The following CDH13 variants were observed in gnomAD, a reference collection of about 807,000 sequenced individuals.
CDH13 encodes the protein cadherin 13.
CDH13 carries 24 observed loss-of-function variants against 63.8 expected under a neutral mutation model. That is an observed-to-expected ratio of 0.38 (90% confidence interval 0.27 to 0.53). The LOEUF (loss-of-function observed/expected upper bound fraction) is 0.53. CDH13 is among the 20% of genes least tolerant of loss of function. The pLI, the probability that CDH13 is intolerant of heterozygous loss-of-function variation, is 0.85. For synonymous variants in CDH13, 503 were observed against 355.3 expected, an observed-to-expected ratio of 1.42 and a Z score of -4.67; for missense variants, 1,049 against 903.1, an observed-to-expected ratio of 1.16 and a Z score of -2.07.
chr16:82,852,718 G>T lies in CDH13; in HGVS notation c.46-5644G>T, dbSNP rs531981238. On this transcript the variant is annotated intron_variant, in intron 1 of 13. Transcript: ENST00000567109. The stretch of plus-strand genomic sequence containing the variant: ...TAGATGTCCAAGCAAGTGTTTAACT[G>T]AATTGAGTGAGCAGAAACAAGAACC... Among the ~76,000 whole-genome samples the T allele has an allele frequency of 1.1e-4, 17 of 152,300 alleles. No homozygotes were observed. The South Asian group carries it at 2.5e-3, about 22-fold the overall frequency.
chr16:83,631,415 C>A (rs939171779), intron 8 of CDH13, among the ~76,000 whole-genome samples: 1 of 152,142 alleles, frequency 6.6e-6, no homozygotes, highest in Non-Finnish European at 1.5e-5. Context: ...ATGTTAACTT[C>A]ATTTGCTTGA....
intron 2 of CDH13, among the ~76,000 whole-genome samples, chr16:82,912,243 T>C (rs1338085076): frequency 5.5e-5 from 1 of 18,266 alleles, no homozygotes; most frequent in African/African-American, 1.6e-4. Context: ...TTTTCTTAAC[T>C]ATTTAGTGAA....
intron 3 of CDH13, among the ~76,000 whole-genome samples, chr16:83,053,517 A>G (rs185955637): frequency 7.9e-5 from 12 of 152,320 alleles, no homozygotes; most frequent in Non-Finnish European, 1.3e-4. Flanking sequence ...TAAATTGATA[A>G]ACACACCAAT....
chr16:83,321,909 G>T (rs143076537), intron 5 of CDH13, among the ~76,000 whole-genome samples: 60 of 152,276 alleles, frequency 3.9e-4, no homozygotes, highest in African/African-American at 1.3e-3. Context: ...AATTCTGTGT[G>T]ACTATCTTGG....
intron 8 of CDH13, among the ~76,000 whole-genome samples, chr16:83,605,129 C>T (rs9934700): frequency 0.49 from 74,315 of 152,000 alleles, 20,940 homozygotes; most frequent in African/African-American, 0.79. Flanking sequence ...CTGTAAATAC[C>T]AGCAAAAGCA....
chr16:83,000,252 T>A (rs1329338920), intron 2 of CDH13, among the ~76,000 whole-genome samples: 1 of 108,758 alleles, frequency 9.2e-6, no homozygotes. Flanking sequence ...TTTTTTTTTT[T>A]TTTTTTTTTT....
chr16:83,388,694 T>C (rs1301138841), intron 6 of CDH13, among the ~76,000 whole-genome samples: 4 of 152,146 alleles, frequency 2.6e-5, no homozygotes, highest in African/African-American at 9.7e-5. Context: ...TGTAAAGCCA[T>C]ATATTTCCAA....
At chr16:83,000,849 G>C (rs1002949061) in intron 2 of CDH13, among the ~76,000 whole-genome samples, 1 of 152,168 alleles carries the variant, frequency 6.6e-6, no homozygotes, top group African/African-American at 2.4e-5. Context: ...AAGGTTCTGG[G>C]ATTACCGGCG....
At chr16:83,499,060 T>C (rs1397303238) in intron 7 of CDH13, among the ~76,000 whole-genome samples, 1 of 152,240 alleles carries the variant, frequency 6.6e-6, no homozygotes, top group Non-Finnish European at 1.5e-5. Context: ...TGTGATCAAA[T>C]ACGTGTGCAA....
rs6565105 is a variant in CDH13 at position 83,032,059 on chromosome 16, G to A, written c.207G>A (p.Ser69=). 873,255 of 1,607,566 alleles carry A rather than the reference G, an allele frequency of 0.54. 238,124 individuals are homozygous for A. The highest frequency in any genetic ancestry group is 0.57 in the South Asian group (51,219 of 89,678). The stretch of plus-strand genomic sequence containing the variant: ...ACGACAAGCTACGCTATGAGGTCTC[G>A]AGCCCATACTTCAAGGTGAACAGCG... ...KGNDKLRYEV[S]SPYFKVNSDG... is the part of the protein sequence containing the mutation. The change falls in exon 3 of 14, where the codon TCG becomes TCA. Residue 69 remains serine, a synonymous_variant. Transcript: ENST00000567109.
intron 11 of CDH13, among the ~76,000 whole-genome samples, chr16:83,775,702 C>T (rs182247862): frequency 2.1e-4 from 31 of 150,636 alleles, no homozygotes; most frequent in African/African-American, 6.4e-4. Context: ...GGAGACAGAG[C>T]GAGACGCTCT....
chr16:82,814,952 C>G (rs28404586), intron 1 of CDH13, among the ~76,000 whole-genome samples: 19 of 151,986 alleles, frequency 1.3e-4, no homozygotes, highest in African/African-American at 4.3e-4. Flanking sequence ...GGGGAAAAAC[C>G]CACTCATACT....
At chr16:83,739,935 T>C (rs1256109298) in intron 10 of CDH13, 5 of 152,206 alleles carry the variant, frequency 3.3e-5, no homozygotes, top group African/African-American at 1.2e-4. Flanking sequence ...GTTGTAGAGC[T>C]GGCCAGGGAA....
In CDH13 at chr16:83,764,232, A is replaced by G. The variant is rs72802844; in HGVS notation, c.1682-15736A>G. On this transcript the variant is annotated intron_variant, in intron 11 of 13. Transcript: ENST00000567109. ...GTGGTGGTGATCTGAGCATTTTTCT[A>G]GGGAATGGATGGGCCATGGACCCCC... Among the ~76,000 whole-genome samples, 63 of 152,308 alleles carry G rather than the reference A, an allele frequency of 4.1e-4. 1 individual carries two copies. The highest frequency in any genetic ancestry group is 8.3e-4 in the South Asian group (4 of 4,824).
intron 2 of CDH13, among the ~76,000 whole-genome samples, chr16:82,931,289 G>A (rs2042482700): frequency 6.6e-6 from 1 of 152,152 alleles, no homozygotes; most frequent in African/African-American, 2.4e-5. Context: ...TTTTTTGAAA[G>A]CGTGTCTGAT....
intron 1 of CDH13, among the ~76,000 whole-genome samples, chr16:82,731,028 A>G (rs923991649): frequency 2.0e-5 from 3 of 152,224 alleles, no homozygotes; most frequent in East Asian, 1.9e-4. Context: ...TGAAATCTAT[A>G]TAATGGGGAA....
At chr16:83,351,116 G>T (rs1425300655) in intron 6 of CDH13, among the ~76,000 whole-genome samples, 3 of 152,024 alleles carry the variant, frequency 2.0e-5, no homozygotes, top group South Asian at 2.1e-4. Flanking sequence ...TCCCTTTTCT[G>T]GTTACTTTTT....
At chr16:82,704,814 T>C (rs114582170) in intron 1 of CDH13, among the ~76,000 whole-genome samples, 2 of 152,210 alleles carry the variant, frequency 1.3e-5, no homozygotes, top group East Asian at 3.9e-4. Flanking sequence ...GCCAGAATAA[T>C]ATTTACATCG....
At chr16:83,318,143 C>A (rs977317182) in intron 5 of CDH13, among the ~76,000 whole-genome samples, 1 of 152,198 alleles carries the variant, frequency 6.6e-6, no homozygotes, top group African/African-American at 2.4e-5. Context: ...GTGTCTAAAA[C>A]ATACTGAGCA....
Sources: gnomAD v4.1 joint callset for allele counts (sites outside exome capture counted in the v4.1 genomes callset) on GRCh38, gnomAD v4.1.1 for gene constraint, MANE v1.5 for transcripts, NCBI Gene and HGNC (gene_info 2026-07-23, HGNC 2026-07-21) for gene names.